ZNF804B: variants seen among roughly 807,000 people sequenced by gnomAD.
ZNF804B encodes zinc finger protein 804B.
A neutral mutation model predicts 101.4 loss-of-function variants in ZNF804B; 80 were observed. The observed-to-expected ratio is 0.79, with a 90% CI of 0.66 to 0.95. The LOEUF (loss-of-function observed/expected upper bound fraction) is 0.95, where lower values mean the gene tolerates loss of function less well. Ranked by LOEUF, ZNF804B falls within the 40% of genes least tolerant of loss-of-function variation. The pLI, the probability that ZNF804B is intolerant of heterozygous loss-of-function variation, is 0.00. For missense variants in ZNF804B, 1,673 were observed against 1,561.9 expected (o/e 1.07, Z -1.20); for synonymous variants, 622 against 558.8 (o/e 1.11, Z -1.59).
At chr7:88,881,909 T>C (rs1294506653) in intron 1 of ZNF804B, among the ~76,000 whole-genome samples, 1 of 152,176 alleles carries the variant, frequency 6.6e-6, no homozygotes, top group Non-Finnish European at 1.5e-5. Context: ...ATCTTAGAAA[T>C]AAAGGTTCAC....
At chr7:89,062,907 A>G (rs2116284517) in intron 1 of ZNF804B, among the ~76,000 whole-genome samples, 1 of 152,302 alleles carries the variant, frequency 6.6e-6, no homozygotes, top group South Asian at 2.1e-4. Flanking sequence ...TGCTATGAAT[A>G]GAAGCTTAAT....
intron 1 of ZNF804B, among the ~76,000 whole-genome samples, chr7:89,058,083 G>A (rs973627021): frequency 6.6e-6 from 1 of 152,018 alleles, no homozygotes; most frequent in African/African-American, 2.4e-5. Context: ...CATTAACATA[G>A]CAGCCCATTT....
rs564553640 is a variant in ZNF804B, at chr7:88,909,761, GT to G, written c.108+149688del. On this transcript the variant is annotated intron_variant, in intron 1 of 3. Coordinates refer to ENST00000333190, the MANE Select transcript of ZNF804B (RefSeq NM_181646.5). Reference sequence around the variant, plus strand: ...TCCTTCACTTGAATTTCATTTACAGGTTTTTTTTTTTAACTTACTTCCTTAG... The same window carrying G: ...TCCTTCACTTGAATTTCATTTACAGGTTTTTTTTTTAACTTACTTCCTTAG... Among the ~76,000 whole-genome samples, 1,332 of 145,274 alleles carry G rather than the reference GT, an allele frequency of 9.2e-3. 21 individuals are homozygous for G. The highest frequency in any genetic ancestry group is 0.027 in the African/African-American group (1,072 of 39,968).
At chr7:89,283,926 C>A (rs1311909344) in intron 2 of ZNF804B, among the ~76,000 whole-genome samples, 1 of 151,528 alleles carries the variant, frequency 6.6e-6, no homozygotes, top group Non-Finnish European at 1.5e-5. Flanking sequence ...TTAGAAATAT[C>A]AAAAAGGTTA....
At chr7:89,001,195 G>A (rs1788282506) in intron 1 of ZNF804B, among the ~76,000 whole-genome samples, 1 of 149,712 alleles carries the variant, frequency 6.7e-6, no homozygotes, top group Non-Finnish European at 1.5e-5. Context: ...CCAAGAAAGT[G>A]GATGTAAAGT....
intron 1 of ZNF804B, among the ~76,000 whole-genome samples, chr7:89,099,061 A>G (rs561576504): frequency 1.4e-5 from 2 of 147,712 alleles, no homozygotes; most frequent in East Asian, 2.0e-4. Flanking sequence ...TATATTATAT[A>G]TGTACCTATT....
chr7:88,822,265 T>A (rs1040625303), intron 1 of ZNF804B, among the ~76,000 whole-genome samples: 11 of 152,186 alleles, frequency 7.2e-5, no homozygotes, highest in African/African-American at 2.7e-4. Context: ...AAAGCCAGAT[T>A]TATTTTTATG....
At chr7:89,187,015 G>A (rs553062089) in intron 1 of ZNF804B, among the ~76,000 whole-genome samples, 1 of 152,210 alleles carries the variant, frequency 6.6e-6, no homozygotes, top group Admixed American at 6.6e-5. Context: ...GATATATTCT[G>A]TCAACCTTGA....
At chr7:89,260,569 G>GT (rs2115811536) in intron 2 of ZNF804B, among the ~76,000 whole-genome samples, 1 of 152,114 alleles carries the variant, frequency 6.6e-6, no homozygotes, top group Non-Finnish European at 1.5e-5. Context: ...TTTGATTTAA[G>GT]TTTTCACATA....
intron 1 of ZNF804B, among the ~76,000 whole-genome samples, chr7:88,852,309 G>A (rs1262224437): frequency 1.3e-5 from 2 of 152,026 alleles, no homozygotes; most frequent in African/African-American, 2.4e-5. Context: ...TATGAGTCAT[G>A]GTCAGAATAG....
chr7:89,043,016 C>T (rs1015982157), intron 1 of ZNF804B, among the ~76,000 whole-genome samples: 3 of 152,058 alleles, frequency 2.0e-5, no homozygotes, highest in African/African-American at 7.2e-5. Flanking sequence ...TAAAATATGC[C>T]TTTTTTATTG....
At chr7:89,171,360 TCCTCTTCCTCTTCTTCC>T (rs1562904592) in intron 1 of ZNF804B, among the ~76,000 whole-genome samples, 11 of 111,546 alleles carry the variant, frequency 9.9e-5, no homozygotes, top group Non-Finnish European at 2.2e-4. Flanking sequence ...TTCTTCTTCC[TCCTCTTCCTCTTCTTCC>T]TCTTCTTCCT....
intron 1 of ZNF804B, among the ~76,000 whole-genome samples, chr7:89,039,585 A>G (rs1398726279): frequency 1.3e-5 from 2 of 151,686 alleles, no homozygotes; most frequent in Non-Finnish European, 2.9e-5. Flanking sequence ...TTTTTGGTGG[A>G]AATTTTAAGG....
At chr7:88,947,283 A>T (rs1370210008) in intron 1 of ZNF804B, among the ~76,000 whole-genome samples, 4 of 152,218 alleles carry the variant, frequency 2.6e-5, no homozygotes, top group African/African-American at 9.6e-5. Context: ...CATCAGTGAT[A>T]GACCGGATAG....
At chr7:88,961,475 T>C (rs1019960269) in intron 1 of ZNF804B, among the ~76,000 whole-genome samples, 1 of 151,394 alleles carries the variant, frequency 6.6e-6, no homozygotes, top group Admixed American at 6.6e-5. Context: ...GAAACATCTT[T>C]AGTATTTTTT....
chr7:89,078,373 T>C (rs550201642), intron 1 of ZNF804B, among the ~76,000 whole-genome samples: 1 of 152,034 alleles, frequency 6.6e-6, no homozygotes, highest in African/African-American at 2.4e-5. Context: ...ACTTTGAAAA[T>C]TGTTGGTCAT....
intron 1 of ZNF804B, among the ~76,000 whole-genome samples, chr7:88,848,838 A>G (rs1359908060): frequency 1.3e-5 from 2 of 152,112 alleles, no homozygotes; most frequent in African/African-American, 2.4e-5. Context: ...ACATTGCTTG[A>G]CAAAGAGATT....
intron 1 of ZNF804B, among the ~76,000 whole-genome samples, chr7:88,949,736 T>C (rs1793189488): frequency 6.6e-6 from 1 of 151,940 alleles, no homozygotes; most frequent in African/African-American, 2.4e-5. Context: ...CAACCACATA[T>C]ATGAAAATGG....
intron 1 of ZNF804B, among the ~76,000 whole-genome samples, chr7:89,141,406 G>A (rs901377218): frequency 6.6e-6 from 1 of 151,960 alleles, no homozygotes; most frequent in Non-Finnish European, 1.5e-5. Flanking sequence ...GCACAATAAA[G>A]TGTGGTATCT....
Sources: allele counts gnomAD v4.1 joint callset (sites outside exome capture counted in the v4.1 genomes callset), GRCh38; gene constraint gnomAD v4.1.1; transcripts MANE v1.5; gene names NCBI Gene and HGNC (gene_info 2026-07-23, HGNC 2026-07-21).